CNTNAP2: variants seen among roughly 807,000 people sequenced by gnomAD.
CNTNAP2 encodes the protein contactin associated protein 2, also known as contactin-associated protein-like 2.
In CNTNAP2, 98 loss-of-function variants were observed where a neutral mutation model predicts 155.2. The observed-to-expected ratio is 0.63, with a 90% CI of 0.54 to 0.75. CNTNAP2 has a LOEUF of 0.75. Among genes scored for constraint, CNTNAP2 ranks in the 30% least tolerant of loss-of-function variants. The probability of loss-of-function intolerance (pLI) is 0.00; values close to 1 mark genes in which losing one functional copy is unlikely to be tolerated. For missense variants in CNTNAP2, 1,727 were observed against 1,688.1 expected (o/e 1.02, Z -0.40); for synonymous variants, 651 against 631.2 (o/e 1.03, Z -0.47).
chr7:148,401,951 T>A (rs2030878912), intron 22 of CNTNAP2, among the ~76,000 whole-genome samples: 1 of 152,054 alleles, frequency 6.6e-6, no homozygotes, highest in African/African-American at 2.4e-5. Flanking sequence ...GACAAAAGAG[T>A]ACAATGTCAG....
intron 1 of CNTNAP2, among the ~76,000 whole-genome samples, chr7:146,302,270 A>G (rs553987116): frequency 2.0e-5 from 3 of 152,294 alleles, no homozygotes; most frequent in African/African-American, 4.8e-5. Context: ...TATTATTTAC[A>G]GATGATTTAA....
intron 20 of CNTNAP2, among the ~76,000 whole-genome samples, chr7:148,256,724 C>G (rs904399938): frequency 6.6e-6 from 1 of 152,152 alleles, no homozygotes; most frequent in African/African-American, 2.4e-5. Context: ...AGTGGATTCA[C>G]CTGGATCTCT....
intron 13 of CNTNAP2, among the ~76,000 whole-genome samples, chr7:147,799,096 T>G (rs1797948375): frequency 6.6e-6 from 1 of 152,142 alleles, no homozygotes; most frequent in African/African-American, 2.4e-5. Context: ...GAAGGAGAGT[T>G]TCAGGCATGA....
intron 8 of CNTNAP2, among the ~76,000 whole-genome samples, chr7:147,256,773 G>A (rs1804337713): frequency 6.6e-6 from 1 of 152,090 alleles, no homozygotes; most frequent in Admixed American, 6.5e-5. Context: ...ACAGTTAATG[G>A]ACGCATTGAA....
At chr7:147,907,010 A>G (rs1585021917) in intron 14 of CNTNAP2, among the ~76,000 whole-genome samples, 1 of 152,178 alleles carries the variant, frequency 6.6e-6, no homozygotes, top group East Asian at 1.9e-4. Context: ...TTTGTCTAAT[A>G]TTTCATAATA....
At chr7:148,312,079 A>G (rs934036462) in intron 21 of CNTNAP2, among the ~76,000 whole-genome samples, 1 of 152,212 alleles carries the variant, frequency 6.6e-6, no homozygotes, top group Non-Finnish European at 1.5e-5. Context: ...CAGTGAGTTT[A>G]ACACAGTTTG....
intron 21 of CNTNAP2, among the ~76,000 whole-genome samples, chr7:148,343,433 A>T (rs553979243): frequency 1.9e-4 from 29 of 152,304 alleles, no homozygotes; most frequent in South Asian, 1.7e-3. Flanking sequence ...TCAGTACAGG[A>T]CTGGGTCATA....
chr7:147,705,938 T>C (rs1796307420), intron 13 of CNTNAP2, among the ~76,000 whole-genome samples: 1 of 152,122 alleles, frequency 6.6e-6, no homozygotes, highest in Non-Finnish European at 1.5e-5. Flanking sequence ...TCTGTGTCTT[T>C]ATAGGTGAGA....
chr7:148,185,045 TTCTA>T (rs1795094638), intron 18 of CNTNAP2, among the ~76,000 whole-genome samples: 1 of 152,346 alleles, frequency 6.6e-6, no homozygotes, highest in Non-Finnish European at 1.5e-5. Flanking sequence ...GACAGAACTT[TTCTA>T]TCTGTGTTGT....
intron 4 of CNTNAP2, among the ~76,000 whole-genome samples, chr7:147,044,933 T>C (rs759615943): frequency 1.3e-5 from 2 of 152,156 alleles, no homozygotes; most frequent in Non-Finnish European, 2.9e-5. Flanking sequence ...TCTTTGCTTA[T>C]TTGCTTCTGT....
At chr7:146,497,507 A>C (rs1654970706) in intron 1 of CNTNAP2, among the ~76,000 whole-genome samples, 1 of 152,054 alleles carries the variant, frequency 6.6e-6, no homozygotes, top group African/African-American at 2.4e-5. Context: ...AGCCAACTTC[A>C]GGCTTCTTAG....
At chr7:147,246,129 T>C (rs974643183) in intron 8 of CNTNAP2, among the ~76,000 whole-genome samples, 1 of 151,306 alleles carries the variant, frequency 6.6e-6, no homozygotes, top group Non-Finnish European at 1.5e-5. Flanking sequence ...ATGGCATATA[T>C]ATGAGATTTA....
intron 3 of CNTNAP2, among the ~76,000 whole-genome samples, chr7:146,983,798 G>C (rs113730219): frequency 3.3e-5 from 5 of 152,202 alleles, no homozygotes; most frequent in African/African-American, 1.2e-4. Flanking sequence ...CCATCAGAAG[G>C]GCTGGAAATA....
At chr7:146,585,996 C>A (rs970071858) in intron 1 of CNTNAP2, among the ~76,000 whole-genome samples, 1 of 143,424 alleles carries the variant, frequency 7.0e-6, no homozygotes, top group African/African-American at 2.6e-5. Flanking sequence ...CAAAGTGAGG[C>A]CCTGTCTCAA....
intron 1 of CNTNAP2, among the ~76,000 whole-genome samples, chr7:146,326,090 T>A (rs1049749042): frequency 6.6e-6 from 1 of 152,358 alleles, no homozygotes; most frequent in Admixed American, 6.5e-5. Context: ...AAGTGCTTAA[T>A]GCAATGCTCA....
At chr7:146,676,227 A>G (rs999246891) in intron 1 of CNTNAP2, among the ~76,000 whole-genome samples, 2 of 152,312 alleles carry the variant, frequency 1.3e-5, no homozygotes, top group African/African-American at 4.8e-5. Context: ...TTATCAATAA[A>G]TATGCGAAAT....
chr7:146,770,317 TACACACAC>T lies in CNTNAP2; in HGVS notation c.98-3928_98-3921del, dbSNP rs60507060. 6.9e-3 allele frequency among the ~76,000 whole-genome samples: 991 copies of T among 143,768 alleles called. 11 individuals carry two copies. The highest frequency in any genetic ancestry group is 0.024 in the African/African-American group (931 of 39,086). 94.3% of individuals were successfully genotyped at this position (143,768 alleles called of 152,430 possible). On this transcript the variant is annotated intron_variant, in intron 1 of 23. Coordinates refer to ENST00000361727, the MANE Select transcript of CNTNAP2 (RefSeq NM_014141.6). ...AATTATATATATATATGTGTGTGTA[TACACACAC>T]ACACACACACACACACACACACACA...
At chr7:148,175,723 G>A (rs1794922537) in intron 18 of CNTNAP2, among the ~76,000 whole-genome samples, 1 of 152,042 alleles carries the variant, frequency 6.6e-6, no homozygotes, top group Non-Finnish European at 1.5e-5. Flanking sequence ...AATAGCCCAG[G>A]GGGACAGATA....
intron 15 of CNTNAP2, among the ~76,000 whole-genome samples, chr7:147,996,988 T>C (rs563815056): frequency 1.3e-5 from 2 of 152,268 alleles, no homozygotes; most frequent in East Asian, 3.9e-4. Context: ...AGTACCCTTG[T>C]AAAAGAGACC....
Sources: gnomAD v4.1 joint callset for allele counts (sites outside exome capture counted in the v4.1 genomes callset) on GRCh38, gnomAD v4.1.1 for gene constraint, MANE v1.5 for transcripts, NCBI Gene and HGNC (gene_info 2026-07-23, HGNC 2026-07-21) for gene names.